The following UBR3 variants were observed in gnomAD, a reference collection of about 807,000 sequenced individuals.
UBR3 encodes the protein ubiquitin protein ligase E3 component n-recognin 3.
UBR3 carries 85 observed loss-of-function variants against 243.2 expected under a neutral mutation model. The ratio of observed to expected loss-of-function variants is 0.35; its 90% CI spans 0.29 to 0.42. UBR3 has a LOEUF of 0.42. Ranked by LOEUF, UBR3 falls within the 10% of genes least tolerant of loss-of-function variation. The pLI is 1.00. For synonymous variants in UBR3, 748 were observed against 799.8 expected, an observed-to-expected ratio of 0.94 and a Z score of 1.09; for missense variants, 1,686 against 2,300.8, an observed-to-expected ratio of 0.73 and a Z score of 5.47.
Position 169,927,363 on chromosome 2 carries a change from G to T in UBR3, c.2382G>T (p.Gln794His). The T allele has an allele frequency of 6.4e-7, 1 of 1,551,020 alleles. No homozygotes were observed. Among genetic ancestry groups the T allele is most frequent in the Non-Finnish European group, 8.7e-7 (1 of 1,146,718 alleles). Residue 794 changes from glutamine (Q) to histidine (H), a missense_variant, in exon 17 of 39, where the codon CAG (glutamine) becomes CAT (histidine). Gln to His is a conservative substitution (Grantham distance 24). Around this residue, in one of 8 missense-constraint regions of UBR3, gnomAD observed 346 missense variants for 585.8 expected, o/e 0.59. Coordinates refer to ENST00000272793, the MANE Select transcript of UBR3 (RefSeq NM_172070.4). ...TTCTCAGGGCCGAGATGGTAGCCCA[G>T]CTGTGTATGAATGACAGGACACACA... is the stretch of plus-strand genomic sequence containing the variant. ...DEILRAEMVA[Q>H]LCMNDRTHSS...
chr2:169,984,232 G>T (rs747202331), intron 24 of UBR3, among the ~76,000 whole-genome samples: 4 of 152,012 alleles, frequency 2.6e-5, no homozygotes, highest in Non-Finnish European at 5.9e-5. Context: ...TTTAGAGTAG[G>T]GGTTTTTAAA....
chr2:169,911,763 T>C (rs1345860421), intron 10 of UBR3, among the ~76,000 whole-genome samples: 1 of 152,182 alleles, frequency 6.6e-6, no homozygotes, highest in East Asian at 1.9e-4. Flanking sequence ...AGGAGAACTT[T>C]CGGTTTTAAA....
chr2:169,920,242 C>T (rs986312134), intron 11 of UBR3, among the ~76,000 whole-genome samples: 5 of 152,136 alleles, frequency 3.3e-5, no homozygotes, highest in African/African-American at 1.2e-4. Flanking sequence ...CGCATGTTCT[C>T]ACTCATAGGT....
At chr2:169,839,666 AACACAC>A in intron 1 of UBR3, among the ~76,000 whole-genome samples, 1 of 152,096 alleles carries the variant, frequency 6.6e-6, no homozygotes, top group Non-Finnish European at 1.5e-5. Flanking sequence ...CATCAAATAA[AACACAC>A]ACACACACAT....
intron 25 of UBR3, among the ~76,000 whole-genome samples, chr2:169,988,548 T>C (rs554679154): frequency 6.6e-6 from 1 of 152,348 alleles, no homozygotes; most frequent in South Asian, 2.1e-4. Context: ...TTCACGCCTG[T>C]AATTCCAGCA....
rs369939846 is a variant in UBR3, at chr2:170,073,513, C to T, written c.5105C>T (p.Ser1702Phe). The T allele has an allele frequency of 1.2e-6, 2 of 1,613,810 alleles. No homozygotes were observed. Among genetic ancestry groups the T allele is most frequent in the Non-Finnish European group, 1.7e-6 (2 of 1,179,766 alleles). The stretch of plus-strand genomic sequence containing the variant: ...ACAGAACATCCATTCATCAGTGCCT[C>T]CTGTCTGGATTGGCCAGTTCCAGCA... The part of the protein sequence containing the change: ...YQTEHPFISA[S>F]CLDWPVPAFD... The change falls in exon 36 of 39, where the codon TCC becomes TTC. Residue 1702 changes from serine (S) to phenylalanine (F), a missense_variant. By Grantham distance (155) the Ser-to-Phe change is radical. This residue lies in a region of UBR3 where 371 missense variants were observed against 422.5 expected (regional missense o/e 0.88). Coordinates refer to ENST00000272793, the MANE Select transcript of UBR3 (RefSeq NM_172070.4).
In UBR3 at chr2:169,989,054, A is replaced by G. The variant is rs556637370; in HGVS notation, c.3784+2260A>G. Among the ~76,000 whole-genome samples, 4 of 152,288 alleles carry G rather than the reference A, an allele frequency of 2.6e-5. No homozygotes were observed. In the South Asian group the frequency reaches 8.3e-4, roughly 32 times the overall value. On this transcript the variant is annotated intron_variant, in intron 25 of 38. Coordinates refer to ENST00000272793, the MANE Select transcript of UBR3 (RefSeq NM_172070.4). ...GTGCAAAGTGAACCCCCATGTCCCC[A>G]TCTATCTTCAACAGTGATTAATTTC...
In UBR3 at chr2:170,000,051, G is replaced by A. The variant is rs112960582; in HGVS notation, c.3919-1253G>A. Among the ~76,000 whole-genome samples, 709 of 152,060 alleles carry A rather than the reference G, an allele frequency of 4.7e-3. 1 individual carries two copies. Among genetic ancestry groups the A allele is most frequent in the African/African-American group, 0.015 (628 of 41,480 alleles). On this transcript the variant is annotated intron_variant, in intron 26 of 38. Transcript: ENST00000272793. ...TGAGGCAGGAGAATCACTTGAACCC[G>A]GGAGGCGGAGGTTGTGGTGAGCCGA...
chr2:169,947,190 A>G (rs13393861), intron 21 of UBR3, among the ~76,000 whole-genome samples: 31,663 of 152,020 alleles, frequency 0.21, 3,707 homozygotes, highest in East Asian at 0.37. Context: ...TGATTTTTCA[A>G]TTTCCTCCCA....
chr2:170,016,789 C>G (rs1470721082), intron 30 of UBR3: 1 of 429,170 alleles, frequency 2.3e-6, no homozygotes, highest in Non-Finnish European at 3.4e-6. Context: ...CTTTAATTAC[C>G]AGAGTCAATT....
At chr2:170,028,614 T>C (rs1320559669) in intron 30 of UBR3, among the ~76,000 whole-genome samples, 2 of 151,022 alleles carry the variant, frequency 1.3e-5, no homozygotes, top group Non-Finnish European at 3.0e-5. Flanking sequence ...TTATTCTGTG[T>C]GGCAGAATAA....
intron 5 of UBR3, among the ~76,000 whole-genome samples, chr2:169,886,610 T>C (rs1351917496): frequency 1.3e-5 from 2 of 152,232 alleles, no homozygotes; most frequent in African/African-American, 4.8e-5. Flanking sequence ...TTTTAAAATC[T>C]ATGTCCTCAT....
intron 11 of UBR3, among the ~76,000 whole-genome samples, chr2:169,916,326 A>G (rs1367373144): frequency 2.0e-5 from 3 of 152,304 alleles, no homozygotes; most frequent in Admixed American, 6.5e-5. Context: ...CTATAAATAC[A>G]TATTTATGTA....
At chr2:170,058,131 T>G (rs1011500142) in intron 33 of UBR3, among the ~76,000 whole-genome samples, 5 of 152,174 alleles carry the variant, frequency 3.3e-5, no homozygotes, top group African/African-American at 1.2e-4. Context: ...GATTTCTGCA[T>G]CATTGATTAC....
At chr2:170,078,257 C>CAAAT (rs1384012032) in intron 36 of UBR3, 1 of 434,658 alleles carries the variant, frequency 2.3e-6, no homozygotes, top group East Asian at 6.0e-5. Context: ...ATATCCATGG[C>CAAAT]ATTTACAGTG....
intron 33 of UBR3, among the ~76,000 whole-genome samples, chr2:170,058,782 C>G (rs1041189209): frequency 2.0e-5 from 3 of 152,154 alleles, no homozygotes; most frequent in African/African-American, 7.2e-5. Context: ...TCCCAAAGTG[C>G]TGGGATTACA....
intron 1 of UBR3, among the ~76,000 whole-genome samples, chr2:169,851,971 G>A (rs2082675588): frequency 1.3e-5 from 2 of 152,102 alleles, no homozygotes; most frequent in African/African-American, 4.8e-5. Context: ...TTTACATGAA[G>A]ACATCTTTTG....
intron 23 of UBR3, among the ~76,000 whole-genome samples, chr2:169,957,271 A>ATT (rs34356536): frequency 7.5e-5 from 11 of 147,528 alleles, no homozygotes; most frequent in African/African-American, 2.7e-4. Context: ...GTATTGGTGG[A>ATT]TTTTTTTTTT....
chr2:170,061,248 A>G (rs1338412784), intron 34 of UBR3, 62 bp downstream of exon 34: 18 of 1,582,922 alleles, frequency 1.1e-5, no homozygotes, highest in Non-Finnish European at 1.5e-5. Context: ...TTTTCTTGCC[A>G]TTATGAATGT....
Sources: gnomAD v4.1 joint callset for allele counts (sites outside exome capture counted in the v4.1 genomes callset) on GRCh38, gnomAD v4.1.1 for gene constraint, gnomAD v4.1.1 regional missense constraint, MANE v1.5 for transcripts, NCBI Gene and HGNC (gene_info 2026-07-23, HGNC 2026-07-21) for gene names.